The following SPTBN1 variants were observed in gnomAD, a reference collection of about 807,000 sequenced individuals.
SPTBN1 encodes spectrin beta chain, non-erythrocytic 1.
Under a neutral mutation model 266.4 loss-of-function variants are expected in SPTBN1, and 32 were observed. The ratio of observed to expected loss-of-function variants is 0.12; its 90% CI spans 0.09 to 0.16. The LOEUF is 0.16. Among genes scored for constraint, SPTBN1 ranks in the 10% least tolerant of loss-of-function variants. The pLI, the probability that SPTBN1 is intolerant of heterozygous loss-of-function variation, is 1.00. For missense variants in SPTBN1, 2,296 were observed against 3,067.1 expected, an observed-to-expected ratio of 0.75 and a Z score of 5.94; for synonymous variants, 1,336 against 1,162.2, an observed-to-expected ratio of 1.15 and a Z score of -3.04.
At chr2:54,662,281 T>A (rs901290898) in intron 32 of SPTBN1, 7 of 985,368 alleles carry the variant, frequency 7.1e-6, no homozygotes, top group Non-Finnish European at 8.4e-6. Flanking sequence ...AAAGCACATG[T>A]CCATTAAAAT....
rs1052739068 is a variant in SPTBN1, at chr2:54,658,949, A to C, written c.6244-205A>C. Among the ~76,000 whole-genome samples, 9 of 152,184 alleles carry C rather than the reference A, an allele frequency of 5.9e-5. No individual in the cohort carries two copies. The South Asian group carries it at 6.2e-4, about 11-fold the overall frequency. Reference sequence around the variant, plus strand: ...CAACTCACAGGAATTTTGCCAGCCCATGGAATAGACTATTTCCTGTAGTTT... The same window carrying C: ...CAACTCACAGGAATTTTGCCAGCCCCTGGAATAGACTATTTCCTGTAGTTT... On this transcript the variant is annotated intron_variant, in intron 30 of 35. Coordinates refer to ENST00000356805, the MANE Select transcript of SPTBN1 (RefSeq NM_003128.3).
At chr2:54,590,372 C>G (rs1362666672) in intron 2 of SPTBN1, among the ~76,000 whole-genome samples, 1 of 152,168 alleles carries the variant, frequency 6.6e-6, no homozygotes, top group Non-Finnish European at 1.5e-5. Context: ...TAAGATTTAT[C>G]GAGAACCTAG....
intron 1 of SPTBN1, among the ~76,000 whole-genome samples, chr2:54,471,800 A>ATTTTTTTTTTTTTGTTTTTTTTTTT (rs1693934516): frequency 9.7e-6 from 1 of 102,718 alleles, no homozygotes; most frequent in Non-Finnish European, 1.9e-5. Context: ...TTTTTTATCG[A>ATTTTTTTTTTTTTGTTTTTTTTTTT]TTTTTTTTTT....
rs570981572 is a variant in SPTBN1, at chr2:54,489,594, AAGGCTG to A, written c.-48+33081_-48+33086del. On this transcript the variant is annotated intron_variant, in intron 1 of 35. Coordinates refer to ENST00000356805, the MANE Select transcript of SPTBN1 (RefSeq NM_003128.3). ...GTGCATCTGTAATCTCTGTTCTTGG[AAGGCTG>A]AGGCATGAGAATCACTTGAACCTGG... 1.8e-3 allele frequency among the ~76,000 whole-genome samples: 267 copies of A among 152,158 alleles called. 1 individual carries two copies. The highest frequency in any genetic ancestry group is 3.1e-3 in the Non-Finnish European group (211 of 67,980).
In SPTBN1 at chr2:54,645,816, G is replaced by C; in HGVS notation, c.4495-112G>C. 1.7e-6 allele frequency: 2 copies of C among 1,195,050 alleles called. No individual in the cohort carries two copies. The highest frequency in any genetic ancestry group is 2.4e-6 in the Non-Finnish European group (2 of 827,182). The allele number at this position is 1,195,050 out of a possible 1,614,324, so 74.0% of individuals were successfully genotyped here. A position where few individuals can be genotyped will look rare whatever the true frequency, so the allele number is the denominator to read the frequency against. On this transcript the variant is annotated intron_variant, in intron 21 of 35. Transcript: ENST00000356805. This position sits in a 1 kb window ranked among gnomAD's most constrained non-coding sequence, Gnocchi z 4.3. The stretch of plus-strand genomic sequence containing the variant: ...CCCAGACAGCCCTCCCGAGGGGGCT[G>C]AGCACTCTCTGAAGCTCACCCTTGC...
At chr2:54,566,597 G>A (rs1673682677) in intron 2 of SPTBN1, among the ~76,000 whole-genome samples, 1 of 152,120 alleles carries the variant, frequency 6.6e-6, no homozygotes, top group Non-Finnish European at 1.5e-5. Context: ...TTGGGAGGTC[G>A]AGGCAGGCAG....
intron 2 of SPTBN1, among the ~76,000 whole-genome samples, chr2:54,563,393 G>A (rs1673449299): frequency 6.6e-6 from 1 of 152,064 alleles, no homozygotes; most frequent in South Asian, 2.1e-4. Context: ...GGCTCAGTGC[G>A]TTTGCACCAG....
intron 2 of SPTBN1, chr2:54,545,490 A>C (rs1029540543): frequency 6.6e-6 from 1 of 152,236 alleles, no homozygotes; most frequent in African/African-American, 2.4e-5. Flanking sequence ...TAAGTGATAG[A>C]TACTAGCTGA....
chr2:54,639,663 T>C, intron 18 of SPTBN1, among the ~76,000 whole-genome samples: 1 of 152,256 alleles, frequency 6.6e-6, no homozygotes, highest in East Asian at 1.9e-4. Context: ...TTCTTCCCGA[T>C]AGAATCACAG....
chr2:54,645,956 CAACT>C lies in SPTBN1; in HGVS notation c.4524_4527del (p.Thr1509ProfsTer14). 6.2e-7 allele frequency: 1 copy of C among 1,614,204 alleles called. No individual in the cohort carries two copies. The highest frequency in any genetic ancestry group is 8.5e-7 in the Non-Finnish European group (1 of 1,180,054). On this transcript the variant is annotated frameshift_variant, in exon 22 of 36. Coordinates refer to ENST00000356805, the MANE Select transcript of SPTBN1 (RefSeq NM_003128.3). LOFTEE classifies it high-confidence loss of function. The surrounding 1 kb of genome is among the most constrained non-coding windows in gnomAD (Gnocchi z 4.3). Reference sequence around the variant, plus strand: ...TGGGTTGGAGAGAGGATGCCTTTGGCAACTTCCACGGATCATGGCCACAACCTCC... The same window carrying C: ...TGGGTTGGAGAGAGGATGCCTTTGGCTCCACGGATCATGGCCACAACCTCC...
rs1679785042 is a variant in SPTBN1, at chr2:54,644,370, G to C, written c.4053G>C (p.Val1351=). 1.9e-6 allele frequency: 3 copies of C among 1,613,882 alleles called. No individual in the cohort carries two copies. The East Asian group carries it at 6.7e-5, about 36-fold the overall frequency. ...ISEKPETEAV[V]KEKLTGLHKM... ...AAAAGCCTGAGACGGAAGCTGTGGTGAAGGAGAAACTCACTGGTTTACATA... is the reference window on the plus strand; with the variant it reads ...AAAAGCCTGAGACGGAAGCTGTGGTCAAGGAGAAACTCACTGGTTTACATA... The change falls in exon 20 of 36, where the codon GTG becomes GTC. Residue 1351 remains valine (V), a synonymous_variant. Transcript: ENST00000356805.
rs775986389 is a variant in SPTBN1 at position 54,657,860 on chromosome 2, C to G, written c.6057C>G (p.Val2019=). ...TGGTACCCTGTGCAGTTCTGGAGGT[C>G]CATCAGTTCTCAAGAGACGCCAGTG... ...RWEWLRLILE[V]HQFSRDASVA... The change falls in exon 30 of 36, where the codon GTC becomes GTG. Residue 2019 remains valine, a synonymous_variant. Transcript: ENST00000356805. The G allele has an allele frequency of 3.1e-6, 5 of 1,614,202 alleles. No individual in the cohort carries two copies. Among genetic ancestry groups the G allele is most frequent in the Non-Finnish European group, 4.2e-6 (5 of 1,180,040 alleles).
At position 54,618,165 on chromosome 2, in the gene SPTBN1, C is replaced by T. The variant is rs747318164; in HGVS notation, c.735C>T (p.Leu245=). The T allele has an allele frequency of 3.7e-6, 6 of 1,614,178 alleles. No individual in the cohort carries two copies. The highest frequency in any genetic ancestry group is 2.2e-5 in the East Asian group (1 of 44,886). ...QNAFNLAEQH[L]GLTKLLDPED... is the part of the protein sequence containing the mutation. ...CATTTAATCTGGCAGAACAGCACCT[C>T]GGCCTCACTAAACTGTTGGACCCCG... The change falls in exon 7 of 36, where the codon CTC becomes CTT. Residue 245 remains leucine (L), a synonymous_variant. Transcript: ENST00000356805.
chr2:54,517,745 A>G (rs1573316185), intron 1 of SPTBN1, among the ~76,000 whole-genome samples: 2 of 151,836 alleles, frequency 1.3e-5, no homozygotes, highest in African/African-American at 4.8e-5. Flanking sequence ...ACCCGGGTTC[A>G]AGCAATTCTG....
rs745472436 is a variant in SPTBN1 at position 54,643,064 on chromosome 2, T to C, written c.3940T>C (p.Leu1314=). ...DEARNLHSKW[L]KHQAFMAELA... ...AGCCAGAAATCTGCACAGTAAATGG[T>C]TGAAGCATCAAGCATTTATGGCAGA... Residue 1314 remains leucine, a synonymous_variant, in exon 19 of 36, where the codon TTG becomes CTG. Coordinates refer to ENST00000356805, the MANE Select transcript of SPTBN1 (RefSeq NM_003128.3). The C allele has an allele frequency of 2.5e-6, 4 of 1,614,002 alleles. No homozygotes were observed. Among genetic ancestry groups the C allele is most frequent in the Non-Finnish European group, 3.4e-6 (4 of 1,179,994 alleles).
At chr2:54,459,568 T>A (rs960166909) in intron 1 of SPTBN1, among the ~76,000 whole-genome samples, 2 of 151,948 alleles carry the variant, frequency 1.3e-5, no homozygotes, top group African/African-American at 4.9e-5. Context: ...CTTTTCTTTT[T>A]AATAGCATAT....
At position 54,661,306 on chromosome 2, in the gene SPTBN1, T is replaced by C. The variant is rs538798262; in HGVS notation, c.6420+1307T>C. 61 of 985,902 alleles carry C rather than the reference T, an allele frequency of 6.2e-5. No individual in the cohort carries two copies. In the African/African-American group the frequency reaches 9.8e-4, roughly 16 times the overall value. 61.1% of individuals were successfully genotyped at this position (985,902 alleles called of 1,614,324 possible). A position where few individuals can be genotyped will look rare whatever the true frequency, so the allele number is the denominator to read the frequency against. ...TAAAAACAAAACCAAATCCATATTA[T>C]ACATCAAAACCTTGTGAGACATTCA... On this transcript the variant is annotated intron_variant, in intron 32 of 35. Transcript: ENST00000356805.
intron 1 of SPTBN1, among the ~76,000 whole-genome samples, chr2:54,459,489 T>A (rs1693244563): frequency 6.6e-6 from 1 of 152,228 alleles, no homozygotes; most frequent in Non-Finnish European, 1.5e-5. Context: ...TGGAAGGATT[T>A]TACTACTGCT....
chr2:54,634,821 T>G (rs563173051), intron 17 of SPTBN1, among the ~76,000 whole-genome samples: 19 of 152,308 alleles, frequency 1.2e-4, no homozygotes, highest in African/African-American at 4.3e-4. Flanking sequence ...ACACTGACTC[T>G]AACAGATGTG....
Sources: gnomAD v4.1 joint callset for allele counts (sites outside exome capture counted in the v4.1 genomes callset) on GRCh38, gnomAD v4.1.1 for gene constraint, Gnocchi (gnomAD v3.1) non-coding constraint, MANE v1.5 for transcripts, NCBI Gene and HGNC (gene_info 2026-07-23, HGNC 2026-07-21) for gene names.